Variants in MAN2B2 observed in about 807,000 individuals in gnomAD.
MAN2B2 encodes epididymis-specific alpha-mannosidase.
MAN2B2 carries 106 observed loss-of-function variants against 117.1 expected under a neutral mutation model. That is an observed-to-expected ratio of 0.90 (90% confidence interval 0.77 to 1.06). The LOEUF is 1.06. Among genes scored for constraint, MAN2B2 ranks in the 50% least tolerant of loss-of-function variants. The pLI is 0.00. For missense variants in MAN2B2, 1,326 were observed against 1,381.4 expected, an observed-to-expected ratio of 0.96 and a Z score of 0.64; for synonymous variants, 544 against 595.1, an observed-to-expected ratio of 0.91 and a Z score of 1.25.
At chr4:6,613,524 G>C (rs1004745623) in intron 15 of MAN2B2, among the ~76,000 whole-genome samples, 8 of 149,810 alleles carry the variant, frequency 5.3e-5, no homozygotes, top group Admixed American at 3.3e-4. Context: ...GCAGTGAGCT[G>C]TGATTGCACC....
At chr4:6,599,793 T>C (rs1727254132) in intron 9 of MAN2B2, among the ~76,000 whole-genome samples, 1 of 151,474 alleles carries the variant, frequency 6.6e-6, no homozygotes, top group South Asian at 2.1e-4. Flanking sequence ...TCCCCTCCCA[T>C]CTCTGTCTGT....
At chr4:6,577,334 C>G (rs896311361) in intron 2 of MAN2B2, among the ~76,000 whole-genome samples, 1 of 152,178 alleles carries the variant, frequency 6.6e-6, no homozygotes, top group Non-Finnish European at 1.5e-5. Flanking sequence ...GAAGCCCTGG[C>G]GTGAGCACCC....
chr4:6,594,792 C>A, intron 7 of MAN2B2, 60 bp downstream of exon 7: 1 of 1,496,914 alleles, frequency 6.7e-7, no homozygotes. Flanking sequence ...AGTCCACGTA[C>A]CCTCTGCCCA....
chr4:6,610,803 G>A, intron 13 of MAN2B2, 77 bp from the exon 14 acceptor site: 1 of 1,239,084 alleles, frequency 8.1e-7, no homozygotes, highest in Non-Finnish European at 1.2e-6. Flanking sequence ...AGCACCAGCT[G>A]GGGTGGCCAG....
At chr4:6,620,917 C>T (rs903449174) in intron 18 of MAN2B2, 5 of 449,038 alleles carry the variant, frequency 1.1e-5, no homozygotes, top group African/African-American at 4.0e-5. Flanking sequence ...ATGAATTGCC[C>T]TCAGGGTGGG....
At position 6,614,310 on chromosome 4, in the gene MAN2B2, C is replaced by T. The variant is rs149905843; in HGVS notation, c.2656C>T (p.Arg886Cys). ...GCAGATCCTGAGCATCCCTGGCTGG[C>T]GCTACAGCTCCAACCACACGGAGCA... ...HLQILSIPGW[R>C]YSSNHTEHSQ... Residue 886 changes from arginine to cysteine, a missense_variant, in exon 16 of 19, where the codon CGC (arginine) becomes TGC (cysteine). Arg to Cys is a radical substitution (Grantham distance 180). Coordinates refer to ENST00000285599, the MANE Select transcript of MAN2B2 (RefSeq NM_015274.3). 2.8e-4 allele frequency: 452 copies of T among 1,613,974 alleles called. No individual in the cohort carries two copies. Among genetic ancestry groups the T allele is most frequent in the Non-Finnish European group, 3.5e-4 (408 of 1,180,016 alleles).
intron 4 of MAN2B2, among the ~76,000 whole-genome samples, chr4:6,587,545 G>A (rs1366141463): frequency 6.6e-6 from 1 of 152,206 alleles, no homozygotes; most frequent in African/African-American, 2.4e-5. Flanking sequence ...TCAGCTGGGA[G>A]AACAGTTACC....
chr4:6,581,610 G>T (rs987371807), intron 3 of MAN2B2, among the ~76,000 whole-genome samples: 4 of 151,830 alleles, frequency 2.6e-5, no homozygotes, highest in Non-Finnish European at 4.4e-5. Context: ...CACTGCTTCC[G>T]GGCCCTTTAT....
intron 3 of MAN2B2, among the ~76,000 whole-genome samples, chr4:6,579,271 T>C (rs866377380): frequency 0.037 from 535 of 14,578 alleles, 10 homozygotes; most frequent in African/African-American, 0.086. Flanking sequence ...ACCACCACCA[T>C]CACCACCACC....
At position 6,605,052 on chromosome 4, in the gene MAN2B2, C is replaced by G; in HGVS notation, c.1540-3C>G. ...AACAAGTCTCATCCTGCTGGCCTTG[C>G]AGATCCAGAACTCAACAGAGACCCC... On this transcript the variant is annotated splice_region_variant and splice_polypyrimidine_tract_variant and intron_variant, in intron 10 of 18. Transcript: ENST00000285599. 2.5e-6 allele frequency: 4 copies of G among 1,606,064 alleles called. No homozygotes were observed. Among genetic ancestry groups the G allele is most frequent in the Non-Finnish European group, 3.4e-6 (4 of 1,173,798 alleles).
chr4:6,601,573 G>GCAGGGA (rs1727333062), intron 10 of MAN2B2, among the ~76,000 whole-genome samples: 1 of 151,626 alleles, frequency 6.6e-6, no homozygotes. Flanking sequence ...GAAGCAGGGA[G>GCAGGGA]GGCCTAGCAT....
chr4:6,589,012 C>G, intron 4 of MAN2B2, 33 bp from the exon 5 acceptor site: 1 of 1,536,240 alleles, frequency 6.5e-7, no homozygotes, highest in Non-Finnish European at 9.0e-7. Context: ...GCCATGTGGC[C>G]CCTCCAGCCT....
Position 6,611,230 on chromosome 4 carries a change from G to A in MAN2B2, c.2515G>A (p.Ala839Thr), listed in dbSNP as rs759497929. The change falls in exon 15 of 19, where the codon GCA becomes ACA. Residue 839 changes from alanine to threonine, a missense_variant. Transcript: ENST00000285599. ...SLTTALRQRS[A>T]LALQHRPVVL... ...CACCACTGCCCTGCGCCAGAGGAGCGCACTGGCGCTGCAGCACAGGCCCGT... is the reference window on the plus strand; with the variant it reads ...CACCACTGCCCTGCGCCAGAGGAGCACACTGGCGCTGCAGCACAGGCCCGT... The A allele has an allele frequency of 3.3e-5, 53 of 1,613,348 alleles. No individual in the cohort carries two copies. Among genetic ancestry groups the A allele is most frequent in the South Asian group, 6.6e-5 (6 of 91,046 alleles).
Position 6,605,222 on chromosome 4 carries a change from G to A in MAN2B2, c.1707G>A (p.Leu569=), listed in dbSNP as rs759777104. 15 of 1,614,092 alleles carry A rather than the reference G, an allele frequency of 9.3e-6. No homozygotes were observed. The highest frequency in any genetic ancestry group is 1.6e-4 in the Middle Eastern group (1 of 6,084). The part of the protein sequence containing the change: ...VASTLQFGRR[L]RRRTSHAGRY... Reference sequence around the variant, plus strand: ...GCACCCTTCAATTTGGCCGCAGGCTGAGGAGACGCACCAGCCATGCGGGCA... The same window carrying A: ...GCACCCTTCAATTTGGCCGCAGGCTAAGGAGACGCACCAGCCATGCGGGCA... Residue 569 remains leucine, a synonymous_variant, in exon 11 of 19, where the codon CTG becomes CTA. Transcript: ENST00000285599.
chr4:6,591,941 G>GC (rs1433582692), intron 5 of MAN2B2, among the ~76,000 whole-genome samples: 4 of 152,158 alleles, frequency 2.6e-5, no homozygotes, highest in African/African-American at 9.7e-5. Context: ...TGCTGTGAGT[G>GC]CCCCATCTTA....
In MAN2B2 at chr4:6,621,234, C is replaced by T. The variant is rs763170441; in HGVS notation, c.2979C>T (p.Thr993=). The T allele has an allele frequency of 5.6e-6, 9 of 1,613,956 alleles. No individual in the cohort carries two copies. The highest frequency in any genetic ancestry group is 3.3e-5 in the South Asian group (3 of 91,076). ...PSRPPGGPII[T]VHPKEIRTFF... The stretch of plus-strand genomic sequence containing the variant: ...GGCCACCAGGAGGCCCCATCATCAC[C>T]GTCCACCCAAAGGAAATCCGGACGT... Residue 993 remains threonine (T), a synonymous_variant, in exon 19 of 19, where the codon ACC becomes ACT. Transcript: ENST00000285599.
intron 2 of MAN2B2, 29 bp from the exon 3 acceptor site, chr4:6,578,363 GC>G (rs1209295259): frequency 6.4e-7 from 1 of 1,573,604 alleles, no homozygotes. Flanking sequence ...GCCGTAACTG[GC>G]TTTTTTCTCT....
At chr4:6,614,138 T>G in intron 15 of MAN2B2, 80 bp from the exon 16 acceptor site, 1 of 1,530,636 alleles carries the variant, frequency 6.5e-7, no homozygotes, top group Non-Finnish European at 8.9e-7. Context: ...GGCAGGGGCA[T>G]GTAATGTGCA....
Position 6,576,599 on chromosome 4 carries a change from G to C in MAN2B2, c.160G>C (p.Ala54Pro), listed in dbSNP as rs145563570. Residue 54 changes from alanine to proline, a missense_variant, in exon 2 of 19, where the codon GCC becomes CCC. By Grantham distance (27) the Ala-to-Pro change is conservative. Transcript: ENST00000285599. ...TVQESMRAYA[A>P]NVYTSVVEEL... Reference sequence around the variant, plus strand: ...CCAGGAAAGCATGCGGGCGTACGCCGCCAATGTCTACACCTCAGTGGTGGA... The same window carrying C: ...CCAGGAAAGCATGCGGGCGTACGCCCCCAATGTCTACACCTCAGTGGTGGA... The C allele has an allele frequency of 4.7e-4, 766 of 1,613,204 alleles. 9 individuals carry two copies. Among genetic ancestry groups the C allele is most frequent in the Middle Eastern group, 8.3e-4 (5 of 6,060 alleles).
Sources: allele counts gnomAD v4.1 joint callset (sites outside exome capture counted in the v4.1 genomes callset), GRCh38; gene constraint gnomAD v4.1.1; transcripts MANE v1.5; gene names NCBI Gene and HGNC (gene_info 2026-07-23, HGNC 2026-07-21).